GREB1L: variants seen among roughly 807,000 people sequenced by gnomAD.
The protein encoded by GREB1L is GREB1-like protein.
GREB1L carries 17 observed loss-of-function variants against 200.8 expected under a neutral mutation model. The observed-to-expected ratio is 0.08, with a 90% CI of 0.06 to 0.13. The LOEUF (loss-of-function observed/expected upper bound fraction) is 0.13, where lower values mean the gene tolerates loss of function less well. GREB1L is among the 10% of genes least tolerant of loss of function. GREB1L has a pLI of 1.00. For missense variants in GREB1L, 1,657 were observed against 2,367.7 expected (o/e 0.70, Z 6.23); for synonymous variants, 789 against 893.0 (o/e 0.88, Z 2.08).
chr18:21,289,546 G>T (rs6508316), intron 1 of GREB1L, among the ~76,000 whole-genome samples: 22,238 of 150,922 alleles, frequency 0.15, 3,516 homozygotes, highest in African/African-American at 0.39. Flanking sequence ...ATCCCCCCCC[G>T]CAAAAAAAAG....
intron 12 of GREB1L, among the ~76,000 whole-genome samples, chr18:21,450,391 G>A (rs1388869808): frequency 6.6e-6 from 1 of 152,112 alleles, no homozygotes; most frequent in Non-Finnish European, 1.5e-5. Context: ...ACTACATTTT[G>A]CTTCTCTCTT....
intron 1 of GREB1L, among the ~76,000 whole-genome samples, chr18:21,282,622 C>T (rs548138218): frequency 9.3e-5 from 14 of 150,354 alleles, no homozygotes; most frequent in Non-Finnish European, 1.6e-4. Flanking sequence ...TTTTTTGAGA[C>T]GGAGTCTTGC....
intron 25 of GREB1L, among the ~76,000 whole-genome samples, chr18:21,507,656 T>C (rs2037068894): frequency 6.6e-6 from 1 of 152,220 alleles, no homozygotes; most frequent in African/African-American, 2.4e-5. Context: ...CACTGTAGCC[T>C]GGAAAGATGG....
chr18:21,495,414 CT>C (rs1251409083), intron 19 of GREB1L, among the ~76,000 whole-genome samples: 2 of 152,268 alleles, frequency 1.3e-5, no homozygotes, highest in Non-Finnish European at 2.9e-5. Flanking sequence ...GTGTTTTTGG[CT>C]TGTGTTACTA....
chr18:21,359,161 A>G (rs2039547317), intron 1 of GREB1L, among the ~76,000 whole-genome samples: 1 of 152,250 alleles, frequency 6.6e-6, no homozygotes, highest in Non-Finnish European at 1.5e-5. Flanking sequence ...TGCTACATTA[A>G]TAAGAAATCA....
At position 21,242,239 on chromosome 18, in the gene GREB1L, C is replaced by G. The variant is rs1164362367; in HGVS notation, c.-274C>G. ...GCGGACCGCGCGCCTGCCAGAGAGA[C>G]GCCAGCCGCCGGCGGCGCTAGCACC... On this transcript the variant is annotated 5_prime_UTR_variant, in exon 1 of 33. Coordinates refer to ENST00000424526, the MANE Select transcript of GREB1L (RefSeq NM_001142966.3). The G allele has an allele frequency of 6.6e-6, 1 of 151,812 alleles. No homozygotes were observed. The highest frequency in any genetic ancestry group is 1.5e-5 in the Non-Finnish European group (1 of 67,996). The allele number at this position is 151,812 out of a possible 1,614,324, so 9.4% of individuals were successfully genotyped here.
At chr18:21,328,282 A>G (rs987040395) in intron 1 of GREB1L, among the ~76,000 whole-genome samples, 1 of 152,080 alleles carries the variant, frequency 6.6e-6, no homozygotes, top group African/African-American at 2.4e-5. Context: ...TGGATAGTGT[A>G]GTCTTGTTCA....
chr18:21,518,105 G>A lies in GREB1L; in HGVS notation c.5343G>A (p.Leu1781=). The A allele has an allele frequency of 6.4e-7, 1 of 1,551,522 alleles. No homozygotes were observed. Among genetic ancestry groups the A allele is most frequent in the Non-Finnish European group, 8.7e-7 (1 of 1,146,936 alleles). The change falls in exon 31 of 33, where the codon CTG becomes CTA. Residue 1781 remains leucine, a synonymous_variant. Coordinates refer to ENST00000424526, the MANE Select transcript of GREB1L (RefSeq NM_001142966.3). Reference sequence around the variant, plus strand: ...CTCCCGACAGTGAACACACACTACTGGCAGCCCCTGCACAGTTTCTCCTGG... The same window carrying A: ...CTCCCGACAGTGAACACACACTACTAGCAGCCCCTGCACAGTTTCTCCTGG... ...ICAPDSEHTL[L]AAPAQFLLEK... is the part of the protein sequence containing the mutation.
chr18:21,347,137 G>T (rs541259076), intron 1 of GREB1L, among the ~76,000 whole-genome samples: 3 of 152,062 alleles, frequency 2.0e-5, no homozygotes, highest in East Asian at 3.9e-4. Context: ...AATTAGCTGG[G>T]CGTGGTGGTG....
Position 21,422,344 on chromosome 18 carries a change from G to A in GREB1L, c.833-17177G>A, listed in dbSNP as rs148338172. Among the ~76,000 whole-genome samples the A allele has an allele frequency of 4.2e-4, 64 of 152,250 alleles. 1 individual carries two copies. In the East Asian group the frequency reaches 9.3e-3, roughly 22 times the overall value. On this transcript the variant is annotated intron_variant, in intron 7 of 32. Coordinates refer to ENST00000424526, the MANE Select transcript of GREB1L (RefSeq NM_001142966.3). ...ACATATTTCAAAAATACCTATGTGCGTGTGTATATACATACATATATAATA... is the reference window on the plus strand; with the variant it reads ...ACATATTTCAAAAATACCTATGTGCATGTGTATATACATACATATATAATA...
At chr18:21,365,535 G>A (rs1386075017) in intron 1 of GREB1L, among the ~76,000 whole-genome samples, 1 of 152,098 alleles carries the variant, frequency 6.6e-6, no homozygotes, top group East Asian at 1.9e-4. Context: ...CTTTTTGCAG[G>A]CTTTCTTACT....
intron 1 of GREB1L, among the ~76,000 whole-genome samples, chr18:21,278,392 ATAAATAAAT>A (rs1367424785): frequency 1.8e-5 from 2 of 112,664 alleles, no homozygotes; most frequent in African/African-American, 7.5e-5. Context: ...AAAAAAAAAA[ATAAATAAAT>A]AAATAAATAA....
intron 1 of GREB1L, among the ~76,000 whole-genome samples, chr18:21,359,443 C>G (rs1328175832): frequency 6.6e-6 from 1 of 151,844 alleles, no homozygotes; most frequent in African/African-American, 2.4e-5. Context: ...GGATGAGACT[C>G]CATCTCAAAA....
intron 1 of GREB1L, among the ~76,000 whole-genome samples, chr18:21,242,799 A>G (rs1224309292): frequency 6.6e-6 from 1 of 151,828 alleles, no homozygotes; most frequent in Non-Finnish European, 1.5e-5. Flanking sequence ...CCCCCGGCGG[A>G]GGCGGCGAGG....
At chr18:21,269,924 G>T (rs780428979) in intron 1 of GREB1L, among the ~76,000 whole-genome samples, 2 of 152,042 alleles carry the variant, frequency 1.3e-5, no homozygotes, top group Non-Finnish European at 2.9e-5. Context: ...CAACAAGAAA[G>T]AACTTAAAAC....
At chr18:21,402,175 G>A (rs988601848) in intron 6 of GREB1L, among the ~76,000 whole-genome samples, 14 of 152,086 alleles carry the variant, frequency 9.2e-5, no homozygotes, top group Non-Finnish European at 1.9e-4. Flanking sequence ...TCATAAGCTG[G>A]TGAATTATAG....
intron 32 of GREB1L, among the ~76,000 whole-genome samples, chr18:21,522,236 G>T (rs528771263): frequency 6.6e-6 from 1 of 152,102 alleles, no homozygotes; most frequent in East Asian, 1.9e-4. Flanking sequence ...ACCTTGGAAG[G>T]CCGAGGCAGG....
intron 1 of GREB1L, among the ~76,000 whole-genome samples, chr18:21,326,160 T>C (rs755612892): frequency 6.6e-6 from 1 of 152,120 alleles, no homozygotes; most frequent in Non-Finnish European, 1.5e-5. Context: ...TTTTAGCATA[T>C]GAAAATATCA....
chr18:21,374,707 A>G lies in GREB1L; in HGVS notation c.-10+8571A>G, dbSNP rs544001936. 2.0e-5 allele frequency among the ~76,000 whole-genome samples: 3 copies of G among 152,106 alleles called. No homozygotes were observed. The South Asian group carries it at 6.2e-4, about 32-fold the overall frequency. Reference sequence around the variant, plus strand: ...AGTGTTTTTCTTGTTCTTCCTTGTCATTTCCTTTTTAAAAATACTTTTAAA... The same window carrying G: ...AGTGTTTTTCTTGTTCTTCCTTGTCGTTTCCTTTTTAAAAATACTTTTAAA... On this transcript the variant is annotated intron_variant, in intron 2 of 32. Coordinates refer to ENST00000424526, the MANE Select transcript of GREB1L (RefSeq NM_001142966.3).
Sources: allele counts gnomAD v4.1 joint callset (sites outside exome capture counted in the v4.1 genomes callset), GRCh38; gene constraint gnomAD v4.1.1; transcripts MANE v1.5; gene names NCBI Gene and HGNC (gene_info 2026-07-23, HGNC 2026-07-21).